The following MGRN1 variants were observed in gnomAD, a reference collection of about 807,000 sequenced individuals.
The protein encoded by MGRN1 is E3 ubiquitin-protein ligase MGRN1.
MGRN1 carries 29 observed loss-of-function variants against 69.2 expected under a neutral mutation model. The ratio of observed to expected loss-of-function variants is 0.42; its 90% confidence interval spans 0.31 to 0.57. MGRN1 has a LOEUF of 0.57. MGRN1 is among the 20% of genes least tolerant of loss of function. The probability of loss-of-function intolerance (pLI) is 0.15; values close to 1 mark genes in which losing one functional copy is unlikely to be tolerated. For synonymous variants in MGRN1, 470 were observed against 344.2 expected (o/e 1.37, Z -4.04); for missense variants, 998 against 796.2 (o/e 1.25, Z -3.05).
rs1450155623 is a variant in MGRN1, at chr16:4,688,011, G to A, written c.1619-785G>A. 13 of 985,468 alleles carry A rather than the reference G, an allele frequency of 1.3e-5. No individual in the cohort carries two copies. In the South Asian group the frequency reaches 1.4e-4, roughly 11 times the overall value. 61.0% of individuals were successfully genotyped at this position (985,468 alleles called of 1,614,324 possible). A position where few individuals can be genotyped will look rare whatever the true frequency, so the allele number is the denominator to read the frequency against. On this transcript the variant is annotated intron_variant, in intron 16 of 16. Transcript: ENST00000262370. ...ATGTCACGATTCAGGTCAAGCTTCC[G>A]GAGCTGGGGAGTGCAGGTGTGATCT... is the stretch of plus-strand genomic sequence containing the variant.
chr16:4,684,757 C>G (rs1053428904), intron 16 of MGRN1, among the ~76,000 whole-genome samples: 1 of 152,364 alleles, frequency 6.6e-6, no homozygotes, highest in African/African-American at 2.4e-5. Flanking sequence ...TCAGCACCTG[C>G]CACGAGGCTG....
At chr16:4,672,488 C>T (rs1451705737) in intron 9 of MGRN1, 1 of 456,584 alleles carries the variant, frequency 2.2e-6, no homozygotes, top group Non-Finnish European at 4.4e-6. Context: ...AGCGGAGCAC[C>T]TGGCCGGGCC....
chr16:4,651,526 G>T (rs750936472), intron 2 of MGRN1, among the ~76,000 whole-genome samples: 6 of 152,156 alleles, frequency 3.9e-5, no homozygotes, highest in Non-Finnish European at 8.8e-5. Context: ...GAGGGTGCAG[G>T]CCTCAGGGGA....
At chr16:4,640,861 C>T (rs776843728) in intron 1 of MGRN1, among the ~76,000 whole-genome samples, 4 of 152,212 alleles carry the variant, frequency 2.6e-5, no homozygotes, top group African/African-American at 7.2e-5. Context: ...GCTCTGGAGT[C>T]GGGGTGTGCG....
chr16:4,647,649 T>C (rs552114909), intron 1 of MGRN1, among the ~76,000 whole-genome samples: 13 of 152,364 alleles, frequency 8.5e-5, no homozygotes, highest in African/African-American at 2.9e-4. Flanking sequence ...GTGTGTTAAC[T>C]TGTTTTCTTT....
At position 4,651,836 on chromosome 16, in the gene MGRN1, A is replaced by G. The variant is rs1480003855; in HGVS notation, c.208-127A>G. ...TGTAAATGAGAACAGTGCACCCAGT[A>G]TAGCCCCTCCCATGGGACTAGATCC... is the stretch of plus-strand genomic sequence containing the variant. On this transcript the variant is annotated intron_variant, in intron 2 of 16. Coordinates refer to ENST00000262370, the MANE Select transcript of MGRN1 (RefSeq NM_015246.4). 2.8e-5 allele frequency: 23 copies of G among 822,022 alleles called. No homozygotes were observed. The East Asian group carries it at 4.9e-4, about 18-fold the overall frequency. 50.9% of individuals were successfully genotyped at this position (822,022 alleles called of 1,614,324 possible). A position where few individuals can be genotyped will look rare whatever the true frequency, so the allele number is the denominator to read the frequency against.
intron 7 of MGRN1, among the ~76,000 whole-genome samples, 170 bp from the exon 8 acceptor site, chr16:4,668,095 C>T (rs567707299): frequency 9.9e-5 from 15 of 151,152 alleles, no homozygotes; most frequent in Middle Eastern, 3.6e-3. Context: ...TCAGAAATCC[C>T]GGCTCTTTCG....
chr16:4,659,922 C>T (rs1191555262), intron 5 of MGRN1, among the ~76,000 whole-genome samples: 2 of 152,212 alleles, frequency 1.3e-5, no homozygotes, highest in African/African-American at 4.8e-5. Context: ...CGTGGCCATC[C>T]GGCTGGGTCC....
At chr16:4,684,046 G>GGAGAGAACCAGGC in intron 16 of MGRN1, 114 bp downstream of exon 16, 3 of 940,386 alleles carry the variant, frequency 3.2e-6, no homozygotes, top group Non-Finnish European at 3.2e-6. Context: ...TTGGAGCCTG[G>GGAGAGAACCAGGC]TTCTCTCCCT....
At chr16:4,663,137 C>T (rs1363281427) in intron 5 of MGRN1, among the ~76,000 whole-genome samples, 1 of 151,116 alleles carries the variant, frequency 6.6e-6, no homozygotes, top group Non-Finnish European at 1.5e-5. Flanking sequence ...GATCTCGGCT[C>T]ACTGCAATCT....
At chr16:4,668,446 C>T (rs1412569894) in intron 8 of MGRN1, 134 bp downstream of exon 8, 2 of 889,048 alleles carry the variant, frequency 2.2e-6, no homozygotes, top group South Asian at 1.6e-5. Context: ...CACACTCATA[C>T]ACATTCACTT....
chr16:4,682,436 G>A (rs534290441), intron 13 of MGRN1, among the ~76,000 whole-genome samples: 31 of 152,218 alleles, frequency 2.0e-4, no homozygotes, highest in Non-Finnish European at 4.0e-4. Context: ...AGGAAGGCGC[G>A]GGTTCTGCAG....
intron 8 of MGRN1, among the ~76,000 whole-genome samples, chr16:4,669,667 A>C: frequency 6.6e-6 from 1 of 152,152 alleles, no homozygotes; most frequent in East Asian, 1.9e-4. Context: ...ACCAGAAACA[A>C]AGTCTGCAAC....
At chr16:4,641,904 C>G (rs2078167770) in intron 1 of MGRN1, among the ~76,000 whole-genome samples, 1 of 152,156 alleles carries the variant, frequency 6.6e-6, no homozygotes, top group African/African-American at 2.4e-5. Context: ...TCTTGCCCAC[C>G]TTGGCCTCCT....
chr16:4,662,902 G>A (rs889491844), intron 5 of MGRN1, among the ~76,000 whole-genome samples: 2 of 152,210 alleles, frequency 1.3e-5, no homozygotes, highest in Non-Finnish European at 2.9e-5. Context: ...CTGGACATCC[G>A]TGGGGGTGGT....
chr16:4,650,143 G>T, intron 1 of MGRN1: 1 of 439,230 alleles, frequency 2.3e-6, no homozygotes, highest in Non-Finnish European at 4.1e-6. Flanking sequence ...TCTCCACTAA[G>T]AATACAAAAA....
At chr16:4,668,388 CATAG>C in intron 8 of MGRN1, 76 bp downstream of exon 8, 1 of 1,441,072 alleles carries the variant, frequency 6.9e-7, no homozygotes, top group Non-Finnish European at 9.7e-7. Flanking sequence ...CATACTCATA[CATAG>C]ACACACACTC....
chr16:4,632,661 G>A lies in MGRN1; in HGVS notation c.88+7613G>A, dbSNP rs146448600. On this transcript the variant is annotated intron_variant, in intron 1 of 16. Transcript: ENST00000262370. ...CGCCCGTCTCGGCCTCCCAAAATGCGGGGATTACAGGCATGAGCCACCGTG... is the reference window on the plus strand; with the variant it reads ...CGCCCGTCTCGGCCTCCCAAAATGCAGGGATTACAGGCATGAGCCACCGTG... Among the ~76,000 whole-genome samples, 1,199 of 151,880 alleles carry A rather than the reference G, an allele frequency of 7.9e-3. 29 individuals carry two copies. Among genetic ancestry groups the A allele is most frequent in the African/African-American group, 0.027 (1,128 of 41,386 alleles).
intron 12 of MGRN1, 94 bp from the exon 13 acceptor site, chr16:4,681,456 C>A: frequency 8.0e-7 from 1 of 1,254,502 alleles, no homozygotes; most frequent in Non-Finnish European, 1.1e-6. Flanking sequence ...CTCAATCCCC[C>A]AAAGAACAGA....
Sources: allele counts gnomAD v4.1 joint callset (sites outside exome capture counted in the v4.1 genomes callset), GRCh38; gene constraint gnomAD v4.1.1; transcripts MANE v1.5; gene names NCBI Gene and HGNC (gene_info 2026-07-23, HGNC 2026-07-21).